Variants in AUTS2 observed in about 807,000 individuals in gnomAD.
The protein encoded by AUTS2 is autism susceptibility gene 2 protein.
A neutral mutation model predicts 112.4 loss-of-function variants in AUTS2; 17 were observed. That is an observed-to-expected ratio of 0.15 (90% confidence interval 0.10 to 0.23). The LOEUF (loss-of-function observed/expected upper bound fraction) is 0.23. AUTS2 is among the 10% of genes least tolerant of loss of function. The probability of loss-of-function intolerance (pLI) is 1.00; values close to 1 mark genes in which losing one functional copy is unlikely to be tolerated. For synonymous variants in AUTS2, 751 were observed against 702.7 expected, an observed-to-expected ratio of 1.07 and a Z score of -1.09; for missense variants, 1,510 against 1,701.6, an observed-to-expected ratio of 0.89 and a Z score of 1.98.
chr7:69,794,555 C>T (rs1193549322), intron 1 of AUTS2, among the ~76,000 whole-genome samples: 1 of 152,156 alleles, frequency 6.6e-6, no homozygotes, highest in Non-Finnish European at 1.5e-5. Context: ...TTTGCAGGTG[C>T]TATAAGTATG....
chr7:69,968,994 A>G (rs1213761277), intron 2 of AUTS2, among the ~76,000 whole-genome samples: 1 of 152,158 alleles, frequency 6.6e-6, no homozygotes, highest in Non-Finnish European at 1.5e-5. Flanking sequence ...TATTAAAGCT[A>G]TTATAAGTAA....
intron 5 of AUTS2, among the ~76,000 whole-genome samples, chr7:70,492,320 T>A (rs1798282222): frequency 8.3e-6 from 1 of 119,816 alleles, no homozygotes; most frequent in Admixed American, 7.8e-5. Flanking sequence ...TCCCGTCAGG[T>A]CCTGGCTGTT....
At chr7:70,652,044 C>T (rs1277616216) in intron 5 of AUTS2, among the ~76,000 whole-genome samples, 5 of 152,152 alleles carry the variant, frequency 3.3e-5, no homozygotes. Context: ...CACGGTTGCA[C>T]GTTGCTCTAA....
intron 4 of AUTS2, among the ~76,000 whole-genome samples, chr7:70,208,011 C>CAAAA (rs61267230): frequency 5.6e-4 from 27 of 47,838 alleles, no homozygotes; most frequent in African/African-American, 1.2e-3. Flanking sequence ...AACTCCATCT[C>CAAAA]AAAAAAAAAA....
At chr7:70,504,567 C>T (rs1290272207) in intron 5 of AUTS2, among the ~76,000 whole-genome samples, 1 of 152,064 alleles carries the variant, frequency 6.6e-6, no homozygotes, top group Non-Finnish European at 1.5e-5. Context: ...GGGACCGGCA[C>T]CGAGGAGCAG....
chr7:70,519,825 G>T (rs1483645652), intron 5 of AUTS2, among the ~76,000 whole-genome samples: 1 of 152,050 alleles, frequency 6.6e-6, no homozygotes, highest in East Asian at 1.9e-4. Context: ...TTGATTGGGT[G>T]TTCTGTCAGC....
intron 4 of AUTS2, among the ~76,000 whole-genome samples, chr7:70,223,969 A>C (rs1811619833): frequency 6.6e-6 from 1 of 150,570 alleles, no homozygotes. Context: ...AGTATCTGGG[A>C]TTACCCACAT....
At chr7:70,555,778 G>T (rs541150279) in intron 5 of AUTS2, among the ~76,000 whole-genome samples, 4 of 151,478 alleles carry the variant, frequency 2.6e-5, no homozygotes, top group African/African-American at 9.7e-5. Context: ...ACTGGTATCT[G>T]CTTGGCTTCT....
chr7:69,862,596 GTTTTAATCCAGTT>G (rs1245470228), intron 1 of AUTS2, among the ~76,000 whole-genome samples: 1 of 152,108 alleles, frequency 6.6e-6, no homozygotes, highest in African/African-American at 2.4e-5. Flanking sequence ...TGTGTATGAG[GTTTTAATCCAGTT>G]ACTTAGGATG....
chr7:69,796,872 A>G (rs1789868075), intron 1 of AUTS2, among the ~76,000 whole-genome samples: 1 of 152,126 alleles, frequency 6.6e-6, no homozygotes, highest in South Asian at 2.1e-4. Context: ...ATTTCTTTGT[A>G]ATCTGATTTG....
At chr7:70,075,258 A>G (rs1418743568) in intron 2 of AUTS2, among the ~76,000 whole-genome samples, 1 of 152,178 alleles carries the variant, frequency 6.6e-6, no homozygotes, top group Non-Finnish European at 1.5e-5. Context: ...TATTGGATCC[A>G]TTGGAGAGTG....
Position 69,933,200 on chromosome 7 carries a change from A to G in AUTS2, c.522+33702A>G, listed in dbSNP as rs1276225775. Among the ~76,000 whole-genome samples the G allele has an allele frequency of 3.3e-5, 5 of 152,340 alleles. No individual in the cohort carries two copies. In the East Asian group the frequency reaches 5.8e-4, roughly 18 times the overall value. On this transcript the variant is annotated intron_variant, in intron 2 of 18. Coordinates refer to ENST00000342771, the MANE Select transcript of AUTS2 (RefSeq NM_015570.4). Reference sequence around the variant, plus strand: ...TAATCAAAGTACTGTTACATAAGTAATGGCTCATGTGTGCGCACAGGTGTC... The same window carrying G: ...TAATCAAAGTACTGTTACATAAGTAGTGGCTCATGTGTGCGCACAGGTGTC...
At chr7:69,805,248 C>A (rs1415436463) in intron 1 of AUTS2, among the ~76,000 whole-genome samples, 2 of 152,214 alleles carry the variant, frequency 1.3e-5, no homozygotes, top group Non-Finnish European at 2.9e-5. Context: ...ACCAACATTA[C>A]ATTTGTGGCA....
intron 2 of AUTS2, among the ~76,000 whole-genome samples, chr7:70,020,904 C>T (rs1435064414): frequency 6.6e-6 from 1 of 152,150 alleles, no homozygotes; most frequent in African/African-American, 2.4e-5. Flanking sequence ...CTCCTGAGCT[C>T]AAGTGATTCT....
chr7:70,144,942 A>G (rs762662475), intron 4 of AUTS2, among the ~76,000 whole-genome samples: 7 of 152,110 alleles, frequency 4.6e-5, no homozygotes, highest in Non-Finnish European at 8.8e-5. Context: ...GAAGTTTGTC[A>G]TGGTATACTT....
chr7:70,235,317 G>A (rs1005347627), intron 4 of AUTS2, among the ~76,000 whole-genome samples: 2 of 151,630 alleles, frequency 1.3e-5, no homozygotes, highest in Middle Eastern at 3.4e-3. Flanking sequence ...AAAAAAAAAT[G>A]TGTGGAGACA....
intron 6 of AUTS2, among the ~76,000 whole-genome samples, chr7:70,752,151 G>C (rs1788905773): frequency 6.6e-6 from 1 of 152,050 alleles, no homozygotes; most frequent in East Asian, 1.9e-4. Context: ...AATCGCGGAA[G>C]GAGTCTGGGG....
Position 69,770,780 on chromosome 7 carries a change from A to G in AUTS2, c.310-128506A>G, listed in dbSNP as rs181122175. 5.2e-4 allele frequency among the ~76,000 whole-genome samples: 76 copies of G among 146,336 alleles called. 1 individual carries two copies. The East Asian group carries it at 0.015, about 29-fold the overall frequency. ...TTGTCTTTCATTACTTTGCATAATA[A>G]CTACTTCCGCTTGCTTTTTTTCCCC... On this transcript the variant is annotated intron_variant, in intron 1 of 18. Transcript: ENST00000342771.
rs546216895 is a variant in AUTS2 at position 69,914,856 on chromosome 7, G to A, written c.522+15358G>A. Among the ~76,000 whole-genome samples the A allele has an allele frequency of 1.3e-4, 20 of 152,062 alleles. 1 individual carries two copies. Among genetic ancestry groups the A allele is most frequent in the African/African-American group, 4.1e-4 (17 of 41,486 alleles). On this transcript the variant is annotated intron_variant, in intron 2 of 18. Coordinates refer to ENST00000342771, the MANE Select transcript of AUTS2 (RefSeq NM_015570.4). ...TTTCACTGAAAAATTATTGTCCCACGTGCCCTCGGTTTAAAATGTTTTGAT... is the reference window on the plus strand; with the variant it reads ...TTTCACTGAAAAATTATTGTCCCACATGCCCTCGGTTTAAAATGTTTTGAT...
Sources: gnomAD v4.1 joint callset for allele counts (sites outside exome capture counted in the v4.1 genomes callset) on GRCh38, gnomAD v4.1.1 for gene constraint, MANE v1.5 for transcripts, NCBI Gene and HGNC (gene_info 2026-07-23, HGNC 2026-07-21) for gene names.